The following MED12L variants were observed in gnomAD, a reference collection of about 807,000 sequenced individuals.
The protein encoded by MED12L is mediator complex subunit 12L.
Under a neutral mutation model 281.3 loss-of-function variants are expected in MED12L, and 60 were observed. The observed-to-expected ratio is 0.21, with a 90% CI of 0.17 to 0.26. The LOEUF is 0.26. Ranked by LOEUF, MED12L falls within the 10% of genes least tolerant of loss-of-function variation. The pLI, the probability that MED12L is intolerant of heterozygous loss-of-function variation, is 1.00. For synonymous variants in MED12L, 974 were observed against 987.2 expected, an observed-to-expected ratio of 0.99 and a Z score of 0.25; for missense variants, 2,146 against 2,680.9, an observed-to-expected ratio of 0.80 and a Z score of 4.41.
intron 2 of MED12L, among the ~76,000 whole-genome samples, chr3:151,099,715 G>A (rs1721168308): frequency 6.6e-6 from 1 of 152,078 alleles, no homozygotes; most frequent in African/African-American, 2.4e-5. Context: ...GATCAATGGT[G>A]GTCCGTAAAC....
chr3:151,108,779 G>A (rs1257728442), intron 2 of MED12L, among the ~76,000 whole-genome samples: 1 of 152,142 alleles, frequency 6.6e-6, no homozygotes, highest in Admixed American at 6.5e-5. Context: ...CGCTCAGGAG[G>A]TTGTGAGTGT....
At chr3:151,227,119 G>A (rs1178151804) in intron 16 of MED12L, among the ~76,000 whole-genome samples, 3 of 152,340 alleles carry the variant, frequency 2.0e-5, no homozygotes, top group South Asian at 4.1e-4. Flanking sequence ...TTTACCTTCA[G>A]TTAGAATCCA....
chr3:151,188,826 A>G (rs960219173), intron 13 of MED12L, among the ~76,000 whole-genome samples: 2 of 152,160 alleles, frequency 1.3e-5, no homozygotes, highest in African/African-American at 4.8e-5. Context: ...GCTCTTAAAC[A>G]TGGGAGTAGG....
intron 16 of MED12L, among the ~76,000 whole-genome samples, chr3:151,310,113 A>C (rs1305465443): frequency 6.6e-6 from 1 of 152,156 alleles, no homozygotes; most frequent in Non-Finnish European, 1.5e-5. Context: ...GAGGGCTGCA[A>C]ATTCAAATGC....
chr3:151,113,201 G>A (rs934443542), intron 2 of MED12L, among the ~76,000 whole-genome samples: 2 of 152,190 alleles, frequency 1.3e-5, no homozygotes, highest in African/African-American at 4.8e-5. Flanking sequence ...AAAAAGTTAA[G>A]GTGGTCAGGT....
chr3:151,145,417 C>T (rs963474758), intron 5 of MED12L, among the ~76,000 whole-genome samples: 1 of 152,228 alleles, frequency 6.6e-6, no homozygotes, highest in Non-Finnish European at 1.5e-5. Context: ...GCTACATTTG[C>T]ATCTTTCCCC....
At chr3:151,238,121 C>G (rs1319372719) in intron 16 of MED12L, among the ~76,000 whole-genome samples, 2 of 149,744 alleles carry the variant, frequency 1.3e-5, no homozygotes, top group Non-Finnish European at 3.0e-5. Context: ...AAGTTTAGAA[C>G]AGTGCACATT....
At chr3:151,417,487 CTT>C (rs56128844) in intron 43 of MED12L, among the ~76,000 whole-genome samples, 25 of 78,818 alleles carry the variant, frequency 3.2e-4, no homozygotes, top group Admixed American at 5.1e-4. Flanking sequence ...CCCCCCCCGC[CTT>C]TTTTTTTTTT....
intron 44 of MED12L, among the ~76,000 whole-genome samples, chr3:151,431,233 T>G (rs1376445295): frequency 1.3e-5 from 2 of 152,224 alleles, no homozygotes; most frequent in Non-Finnish European, 2.9e-5. Flanking sequence ...CTTCTTGGTC[T>G]TGGATTATGT....
intron 16 of MED12L, among the ~76,000 whole-genome samples, chr3:151,242,495 C>A (rs917072374): frequency 1.3e-5 from 2 of 152,208 alleles, no homozygotes; most frequent in Non-Finnish European, 2.9e-5. Context: ...AGGCACCCCC[C>A]AGCAGGGGCA....
At chr3:151,130,839 A>C (rs1244122970) in intron 5 of MED12L, among the ~76,000 whole-genome samples, 1 of 152,110 alleles carries the variant, frequency 6.6e-6, no homozygotes, top group East Asian at 1.9e-4. Context: ...ACACCATCTG[A>C]TGTTATATTT....
chr3:151,111,219 C>G (rs1711832506), intron 2 of MED12L, among the ~76,000 whole-genome samples: 1 of 152,226 alleles, frequency 6.6e-6, no homozygotes, highest in African/African-American at 2.4e-5. Flanking sequence ...TTATCACTTT[C>G]TGGAACCAAA....
intron 16 of MED12L, among the ~76,000 whole-genome samples, chr3:151,259,757 G>A (rs190257705): frequency 6.6e-6 from 1 of 152,070 alleles, no homozygotes; most frequent in Non-Finnish European, 1.5e-5. Flanking sequence ...CCACTTAAAC[G>A]AGCTCATAGC....
Position 151,192,613 on chromosome 3 carries a change from G to A in MED12L, c.2032G>A (p.Asp678Asn). The A allele has an allele frequency of 6.5e-7, 1 of 1,536,356 alleles. No homozygotes were observed. The highest frequency in any genetic ancestry group is 8.7e-7 in the Non-Finnish European group (1 of 1,146,856). ...SGTTNIFDEV[D>N]KSDFKTDFGS... ...AACCACTAACATTTTTGATGAAGTA[G>A]ACAAGAGTGACTTTAAAACTGACTT... Residue 678 changes from aspartate to asparagine, a missense_variant, in exon 15 of 45, where the codon GAC becomes AAC. Asp to Asn is a conservative substitution (Grantham distance 23). Coordinates refer to ENST00000687756, the MANE Select transcript of MED12L (RefSeq NM_001393769.1).
intron 5 of MED12L, among the ~76,000 whole-genome samples, chr3:151,142,055 A>T (rs1370458136): frequency 6.6e-6 from 1 of 152,246 alleles, no homozygotes; most frequent in Non-Finnish European, 1.5e-5. Context: ...ACTACAAAAT[A>T]AGCTTGTTCA....
chr3:151,119,123 G>A (rs1343797208), intron 3 of MED12L, among the ~76,000 whole-genome samples: 1 of 152,220 alleles, frequency 6.6e-6, no homozygotes, highest in Non-Finnish European at 1.5e-5. Context: ...TGTATGTGCT[G>A]TAATTGACTG....
intron 16 of MED12L, among the ~76,000 whole-genome samples, chr3:151,217,449 A>G (rs1261116239): frequency 6.6e-6 from 1 of 152,170 alleles, no homozygotes; most frequent in Non-Finnish European, 1.5e-5. Context: ...CACCACTTTG[A>G]GTTGGATGGA....
intron 16 of MED12L, among the ~76,000 whole-genome samples, chr3:151,197,562 C>T (rs1724849175): frequency 6.6e-6 from 1 of 152,124 alleles, no homozygotes; most frequent in African/African-American, 2.4e-5. Flanking sequence ...CCTTGCTATG[C>T]GAAGTCAGTG....
chr3:151,430,270 T>C (rs1719329577), intron 43 of MED12L, 29 bp from the exon 44 acceptor site: 1 of 1,613,630 alleles, frequency 6.2e-7, no homozygotes, highest in African/African-American at 1.3e-5. Context: ...ATGGAATGAT[T>C]TCTGTCCTTT....
Sources: allele counts gnomAD v4.1 joint callset (sites outside exome capture counted in the v4.1 genomes callset), GRCh38; gene constraint gnomAD v4.1.1; transcripts MANE v1.5; gene names NCBI Gene and HGNC (gene_info 2026-07-23, HGNC 2026-07-21).